SKIC3: variants seen among roughly 807,000 people sequenced by gnomAD.
SKIC3 encodes SKI3 subunit of superkiller complex.
At chr5:95,540,724 C>T in the SKIC3 span, 2 of 1,614,106 alleles carry the variant, frequency 1.2e-6, no homozygotes, top group Non-Finnish European at 1.7e-6. Context: ...GTCCTCTGTA[C>T]TTTCAGCCAG....
At chr5:95,510,057 T>C in the SKIC3 span, among the ~76,000 whole-genome samples, 3 of 152,222 alleles carry the variant, frequency 2.0e-5, no homozygotes, top group Non-Finnish European at 4.4e-5. Context: ...ATAATTTCTC[T>C]TGGCGGTTCT....
the SKIC3 span, among the ~76,000 whole-genome samples, chr5:95,533,578 A>G: frequency 6.6e-6 from 1 of 152,218 alleles, no homozygotes; most frequent in African/African-American, 2.4e-5. Flanking sequence ...CCAACAATTC[A>G]GAAGGGAAAG....
chr5:95,465,648 T>C, the SKIC3 span, among the ~76,000 whole-genome samples: 4 of 152,218 alleles, frequency 2.6e-5, no homozygotes, highest in East Asian at 5.8e-4. Context: ...GCAAACAGCA[T>C]GAACATCAAC....
At chr5:95,518,351 ATAT>A in the SKIC3 span, among the ~76,000 whole-genome samples, 1 of 152,052 alleles carries the variant, frequency 6.6e-6, no homozygotes, top group South Asian at 2.1e-4. Context: ...TTGAAACTAT[ATAT>A]TATTGTTAAC....
chr5:95,532,093 T>C, the SKIC3 span, among the ~76,000 whole-genome samples: 3 of 152,084 alleles, frequency 2.0e-5, no homozygotes, highest in African/African-American at 7.2e-5. Flanking sequence ...AGAAACATAA[T>C]TTATGACAGA....
chr5:95,546,958 C>A, the SKIC3 span: 1 of 1,178,488 alleles, frequency 8.5e-7, no homozygotes, highest in Non-Finnish European at 1.3e-6. Context: ...AATGGCCTTA[C>A]CACTTTTGCT....
the SKIC3 span, among the ~76,000 whole-genome samples, chr5:95,524,845 T>C: frequency 6.6e-6 from 1 of 152,196 alleles, no homozygotes; most frequent in Non-Finnish European, 1.5e-5. Context: ...ATACTGAACA[T>C]TACATCTGCT....
chr5:95,527,752 G>A, the SKIC3 span, among the ~76,000 whole-genome samples: 3 of 152,118 alleles, frequency 2.0e-5, no homozygotes, highest in Admixed American at 1.3e-4. Context: ...ACCTAAGAGG[G>A]CAAAAGGAAG....
the SKIC3 span, chr5:95,522,033 G>C: frequency 6.2e-7 from 1 of 1,612,630 alleles, no homozygotes; most frequent in Non-Finnish European, 8.5e-7. Flanking sequence ...AAAGTCAAAG[G>C]AGCTACTAAA....
chr5:95,531,852 G>A, the SKIC3 span, among the ~76,000 whole-genome samples: 1 of 152,054 alleles, frequency 6.6e-6, no homozygotes, highest in East Asian at 1.9e-4. Flanking sequence ...GTAACCTCTG[G>A]AGAGTACAGA....
the SKIC3 span, chr5:95,464,592 T>C: frequency 8.8e-6 from 14 of 1,598,224 alleles, no homozygotes; most frequent in South Asian, 1.1e-5. Flanking sequence ...TTCCTTACTA[T>C]AAAATAATCC....
chr5:95,510,498 C>T, the SKIC3 span, among the ~76,000 whole-genome samples: 1 of 152,154 alleles, frequency 6.6e-6, no homozygotes, highest in Non-Finnish European at 1.5e-5. Flanking sequence ...CAAATTGTTC[C>T]TGGGGATAAC....
the SKIC3 span, among the ~76,000 whole-genome samples, chr5:95,482,069 T>C: frequency 4.6e-5 from 7 of 152,090 alleles, no homozygotes; most frequent in African/African-American, 1.7e-4. Context: ...ATCCTGAAAA[T>C]AATTATTTCT....
chr5:95,546,020 A>T, the SKIC3 span, among the ~76,000 whole-genome samples: 2 of 152,116 alleles, frequency 1.3e-5, no homozygotes, highest in African/African-American at 4.8e-5. Flanking sequence ...AATTTTTTCT[A>T]TCCTAAACGC....
chr5:95,467,589 T>C, the SKIC3 span, among the ~76,000 whole-genome samples: 1 of 152,174 alleles, frequency 6.6e-6, no homozygotes, highest in Non-Finnish European at 1.5e-5. Context: ...TTTGATGTTC[T>C]AATATCGAAA....
At chr5:95,544,509 T>TA in the SKIC3 span, among the ~76,000 whole-genome samples, 1 of 152,238 alleles carries the variant, frequency 6.6e-6, no homozygotes, top group Non-Finnish European at 1.5e-5. Context: ...CCTGTGTGTG[T>TA]ATGCCCCAAA....
chr5:95,494,411 T>C, the SKIC3 span, among the ~76,000 whole-genome samples: 31 of 152,310 alleles, frequency 2.0e-4, no homozygotes, highest in African/African-American at 7.2e-4. Flanking sequence ...TACTGAATTA[T>C]CACATGCACC....
At chr5:95,485,244 A>G in the SKIC3 span, among the ~76,000 whole-genome samples, 1 of 152,184 alleles carries the variant, frequency 6.6e-6, no homozygotes, top group Admixed American at 6.5e-5. Context: ...GCATTATCAA[A>G]ATTTTCCTCT....
At chr5:95,514,146 T>C in the SKIC3 span, among the ~76,000 whole-genome samples, 78 of 152,282 alleles carry the variant, frequency 5.1e-4, no homozygotes, top group African/African-American at 1.8e-3. Flanking sequence ...ACAAAAGATC[T>C]CTAAACCCTG....
Sources: allele counts gnomAD v4.1 joint callset (sites outside exome capture counted in the v4.1 genomes callset), GRCh38; gene constraint gnomAD v4.1.1; transcripts MANE v1.5; gene names NCBI Gene and HGNC (gene_info 2026-07-23, HGNC 2026-07-21).